The following GALNTL6 variants were observed in gnomAD, a reference collection of about 807,000 sequenced individuals.
The protein encoded by GALNTL6 is polypeptide N-acetylgalactosaminyltransferase-like 6.
GALNTL6 carries 46 observed loss-of-function variants against 73.7 expected under a neutral mutation model. The observed-to-expected ratio is 0.62, with a 90% confidence interval of 0.49 to 0.80. The LOEUF is 0.80. Among genes scored for constraint, GALNTL6 ranks in the 30% least tolerant of loss-of-function variants. The probability of loss-of-function intolerance (pLI) is 0.00; values close to 1 mark genes in which losing one functional copy is unlikely to be tolerated. For synonymous variants in GALNTL6, 259 were observed against 263.7 expected (o/e 0.98, Z 0.17); for missense variants, 604 against 755.0 (o/e 0.80, Z 2.34).
At position 172,745,134 on chromosome 4, in the gene GALNTL6, A is replaced by G. The variant is rs567551981; in HGVS notation, c.554-64227A>G. The stretch of plus-strand genomic sequence containing the variant: ...AAGAACACCCTTTTTTCTCTCAAAC[A>G]ATAGGGAAAGCTGGGATAAAAGAAC... On this transcript the variant is annotated intron_variant, in intron 5 of 12. Coordinates refer to ENST00000506823, the MANE Select transcript of GALNTL6 (RefSeq NM_001034845.3). Among the ~76,000 whole-genome samples, 19 of 152,008 alleles carry G rather than the reference A, an allele frequency of 1.2e-4. No homozygotes were observed. In the South Asian group the frequency reaches 3.9e-3, roughly 32 times the overall value.
chr4:171,840,699 A>G (rs1377150232), intron 2 of GALNTL6, among the ~76,000 whole-genome samples: 1 of 152,174 alleles, frequency 6.6e-6, no homozygotes. Flanking sequence ...ATAGTGCACA[A>G]ATGCAATAGA....
At chr4:171,944,283 C>A (rs1426192559) in intron 2 of GALNTL6, among the ~76,000 whole-genome samples, 5 of 151,932 alleles carry the variant, frequency 3.3e-5, no homozygotes, top group Admixed American at 3.3e-4. Context: ...TCAGATGCAA[C>A]ATTGTGTTGG....
intron 5 of GALNTL6, among the ~76,000 whole-genome samples, chr4:172,763,004 C>T (rs576643082): frequency 1.3e-5 from 2 of 148,316 alleles, no homozygotes; most frequent in South Asian, 4.3e-4. Context: ...TCATTGCAGA[C>T]AAAAAAAAAA....
intron 5 of GALNTL6, among the ~76,000 whole-genome samples, chr4:172,370,536 C>T (rs1423771295): frequency 7.0e-6 from 1 of 143,272 alleles, no homozygotes; most frequent in East Asian, 2.1e-4. Context: ...GTGGCTGAGG[C>T]AGGAGAATGG....
intron 2 of GALNTL6, among the ~76,000 whole-genome samples, chr4:172,143,399 C>T (rs1733849681): frequency 6.6e-6 from 1 of 151,404 alleles, no homozygotes; most frequent in South Asian, 2.1e-4. Flanking sequence ...TATTTGATTT[C>T]TTTGTCTTTG....
intron 5 of GALNTL6, among the ~76,000 whole-genome samples, chr4:172,555,693 T>G (rs1343250648): frequency 6.6e-6 from 1 of 152,022 alleles, no homozygotes; most frequent in Non-Finnish European, 1.5e-5. Flanking sequence ...GCAAAAAAAA[T>G]TCTGTGTTGC....
intron 2 of GALNTL6, among the ~76,000 whole-genome samples, chr4:172,091,693 G>A (rs1037350965): frequency 2.0e-5 from 3 of 152,094 alleles, no homozygotes; most frequent in Admixed American, 6.6e-5. Context: ...TGTAAATAGC[G>A]TATTTCCATG....
chr4:172,210,611 T>A (rs1382991256), intron 2 of GALNTL6, among the ~76,000 whole-genome samples: 2 of 152,146 alleles, frequency 1.3e-5, no homozygotes, highest in Non-Finnish European at 2.9e-5. Flanking sequence ...TTACATCATA[T>A]CCAGGGTATA....
chr4:172,748,673 G>A (rs1421677141), intron 5 of GALNTL6, among the ~76,000 whole-genome samples: 4 of 152,068 alleles, frequency 2.6e-5, no homozygotes, highest in Admixed American at 1.3e-4. Flanking sequence ...GGAGGATGAG[G>A]TCTGGAGGTC....
chr4:172,232,414 T>A (rs1737101183), intron 3 of GALNTL6, among the ~76,000 whole-genome samples: 1 of 152,170 alleles, frequency 6.6e-6, no homozygotes, highest in African/African-American at 2.4e-5. Context: ...AGTTGGTTCA[T>A]TTTTACTATT....
intron 3 of GALNTL6, among the ~76,000 whole-genome samples, chr4:172,268,598 C>T (rs1579316788): frequency 6.6e-6 from 1 of 152,300 alleles, no homozygotes; most frequent in South Asian, 2.1e-4. Flanking sequence ...ATACCTTTCG[C>T]AGTTGGGGAA....
chr4:172,736,810 G>A (rs113917270), intron 5 of GALNTL6, among the ~76,000 whole-genome samples: 4 of 152,172 alleles, frequency 2.6e-5, no homozygotes, highest in African/African-American at 4.8e-5. Context: ...CCCTCCATTC[G>A]GGGTCCCTGA....
intron 2 of GALNTL6, among the ~76,000 whole-genome samples, chr4:172,053,273 G>A (rs2110863137): frequency 6.6e-6 from 1 of 151,994 alleles, no homozygotes; most frequent in South Asian, 2.1e-4. Context: ...AACCAGACAT[G>A]GTGTTTTTTT....
At chr4:172,336,275 G>GTTTTTTTTTTTTTTTT (rs200566896) in intron 4 of GALNTL6, among the ~76,000 whole-genome samples, 2 of 126,022 alleles carry the variant, frequency 1.6e-5, no homozygotes, top group African/African-American at 5.9e-5. Flanking sequence ...GTTTTGTTTT[G>GTTTTTTTTTTTTTTTT]TTTTTTTTTT....
chr4:172,015,044 G>T (rs1741142274), intron 2 of GALNTL6, among the ~76,000 whole-genome samples: 1 of 152,098 alleles, frequency 6.6e-6, no homozygotes, highest in Non-Finnish European at 1.5e-5. Context: ...TGGGTAGAAT[G>T]TTCTGTAAAT....
chr4:171,905,124 G>A (rs1436155043), intron 2 of GALNTL6, among the ~76,000 whole-genome samples: 3 of 152,048 alleles, frequency 2.0e-5, no homozygotes, highest in Non-Finnish European at 4.4e-5. Context: ...ATAATGACAG[G>A]ATCAAATTCA....
intron 5 of GALNTL6, among the ~76,000 whole-genome samples, chr4:172,481,148 G>A (rs1249132417): frequency 6.6e-5 from 10 of 152,162 alleles, no homozygotes; most frequent in South Asian, 4.2e-4. Flanking sequence ...TGGTGGGTTC[G>A]TGGTCTTGCT....
At position 172,057,727 on chromosome 4, in the gene GALNTL6, A is replaced by AAT. The variant is rs147660032; in HGVS notation, c.139-171899_139-171898dup. ...AAAAAAAAAAAAAAAAAAAAAAAAA[A>AAT]ATATATATATATATATATATATATA... On this transcript the variant is annotated intron_variant, in intron 2 of 12. Transcript: ENST00000506823. 5.8e-3 allele frequency among the ~76,000 whole-genome samples: 266 copies of AAT among 46,102 alleles called. 3 individuals are homozygous for AAT. Among genetic ancestry groups the AAT allele is most frequent in the Middle Eastern group, 0.022 (1 of 46 alleles). 30.2% of individuals were successfully genotyped at this position (46,102 alleles called of 152,430 possible).
chr4:171,981,242 A>G (rs766630667), intron 2 of GALNTL6, among the ~76,000 whole-genome samples: 8 of 152,212 alleles, frequency 5.3e-5, no homozygotes, highest in African/African-American at 9.7e-5. Context: ...TAAGCACAAA[A>G]TGTTGCATTC....
Sources: gnomAD v4.1 joint callset for allele counts (sites outside exome capture counted in the v4.1 genomes callset) on GRCh38, gnomAD v4.1.1 for gene constraint, MANE v1.5 for transcripts, NCBI Gene and HGNC (gene_info 2026-07-23, HGNC 2026-07-21) for gene names.